The following MOV10L1 variants were observed in gnomAD, a reference collection of about 807,000 sequenced individuals.
The protein encoded by MOV10L1 is RNA helicase Mov10l1.
Under a neutral mutation model 143.8 loss-of-function variants are expected in MOV10L1, and 110 were observed. The observed-to-expected ratio is 0.76, with a 90% CI of 0.66 to 0.90. MOV10L1 has a LOEUF of 0.90. Ranked by LOEUF, MOV10L1 falls within the 40% of genes least tolerant of loss-of-function variation. The pLI, the probability that MOV10L1 is intolerant of heterozygous loss-of-function variation, is 0.00. For missense variants in MOV10L1, 1,406 were observed against 1,526.8 expected (o/e 0.92, Z 1.32); for synonymous variants, 593 against 581.1 (o/e 1.02, Z -0.29).
chr22:50,114,573 C>T lies in MOV10L1; in HGVS notation c.1077C>T (p.Thr359=). ...NSLNSHTKNK[T]SQMSESSLVN... ...TAAATAGCCACACAAAAAACAAAAC[C>T]TCTCAGATGTCGGAGAGCAGTTTGG... Residue 359 remains threonine, a synonymous_variant, in exon 7 of 27, where the codon ACC becomes ACT. Coordinates refer to ENST00000262794, the MANE Select transcript of MOV10L1 (RefSeq NM_018995.3). 1.2e-6 allele frequency: 2 copies of T among 1,614,140 alleles called. No individual in the cohort carries two copies. Among genetic ancestry groups the T allele is most frequent in the Non-Finnish European group, 1.7e-6 (2 of 1,180,026 alleles).
chr22:50,125,564 A>C lies in MOV10L1; in HGVS notation c.1742A>C (p.Tyr581Ser), dbSNP rs754281563. 6.2e-7 allele frequency: 1 copy of C among 1,613,992 alleles called. No homozygotes were observed. The highest frequency in any genetic ancestry group is 1.7e-5 in the Admixed American group (1 of 60,020). Residue 581 changes from tyrosine (Y) to serine (S), a missense_variant, in exon 11 of 27, where the codon TAC becomes TCC. By Grantham distance (144) the Tyr-to-Ser change is moderately radical. Around this residue, in one of 3 missense-constraint regions of MOV10L1, gnomAD observed 1,233 missense variants for 1,351.4 expected, o/e 0.91. Coordinates refer to ENST00000262794, the MANE Select transcript of MOV10L1 (RefSeq NM_018995.3). ...TTGGCCGAAGGGAGGCCTTCTCTCT[A>C]CGCAGGTGTGTTTGTTACTCATATG... The part of the protein sequence containing the change: ...PGLAEGRPSL[Y>S]AGDKLILKTQ...
chr22:50,112,271 G>A (rs1206276003), intron 5 of MOV10L1, among the ~76,000 whole-genome samples: 1 of 152,218 alleles, frequency 6.6e-6, no homozygotes, highest in Non-Finnish European at 1.5e-5. Context: ...GGAAGCCTGG[G>A]ACGCACAGGA....
chr22:50,133,034 G>GA (rs928378169), intron 13 of MOV10L1, among the ~76,000 whole-genome samples: 193 of 128,862 alleles, frequency 1.5e-3, no homozygotes, highest in Admixed American at 1.5e-3. Flanking sequence ...GCCTCCGTCT[G>GA]AAAAAAAAAA....
chr22:50,100,707 AT>A (rs2061723738), intron 3 of MOV10L1, among the ~76,000 whole-genome samples: 1 of 152,042 alleles, frequency 6.6e-6, no homozygotes, highest in African/African-American at 2.4e-5. Flanking sequence ...GGGTTTCACC[AT>A]GTTGGCCAGT....
Position 50,128,505 on chromosome 22 carries a change from T to C in MOV10L1, c.1908T>C (p.Asn636=), listed in dbSNP as rs1450266331. The C allele has an allele frequency of 7.1e-7, 1 of 1,401,876 alleles. No individual in the cohort carries two copies. Among genetic ancestry groups the C allele is most frequent in the Non-Finnish European group, 1.0e-6 (1 of 1,002,676 alleles). 86.8% of individuals were successfully genotyped at this position (1,401,876 alleles called of 1,614,324 possible). The stretch of plus-strand genomic sequence containing the variant: ...CTATGGATGTGGAATTTACATATAA[T>C]AGGTAATGCTTTTAGTGAGTCTTCT... ...FEPMDVEFTY[N]RTTSRRCHFA... is the part of the protein sequence containing the mutation. Residue 636 remains asparagine (N), a splice_region_variant and synonymous_variant, in exon 13 of 27, where the codon AAT becomes AAC. Coordinates refer to ENST00000262794, the MANE Select transcript of MOV10L1 (RefSeq NM_018995.3).
At chr22:50,142,841 AG>A (rs907266048) in intron 16 of MOV10L1, among the ~76,000 whole-genome samples, 160 of 152,170 alleles carry the variant, frequency 1.1e-3, no homozygotes, top group African/African-American at 3.8e-3. Flanking sequence ...GTCTCAAAAA[AG>A]AAAAAAAAAA....
chr22:50,102,107 T>G (rs985236492), intron 3 of MOV10L1, among the ~76,000 whole-genome samples: 4 of 152,122 alleles, frequency 2.6e-5, no homozygotes. Flanking sequence ...CCAAGGGATT[T>G]CCCAGTATAA....
At chr22:50,140,378 A>T (rs1213837759) in intron 15 of MOV10L1, among the ~76,000 whole-genome samples, 1 of 152,154 alleles carries the variant, frequency 6.6e-6, no homozygotes, top group African/African-American at 2.4e-5. Flanking sequence ...CACTTTAAAT[A>T]TGTGCACCTT....
intron 18 of MOV10L1, among the ~76,000 whole-genome samples, chr22:50,144,817 A>G (rs138264): frequency 0.74 from 111,676 of 151,134 alleles, 41,617 homozygotes; most frequent in Admixed American, 0.79. Flanking sequence ...TCCTGACCTC[A>G]TGATCTGCCC....
At chr22:50,133,972 A>G (rs1342824104) in intron 13 of MOV10L1, 35 bp from the exon 14 acceptor site, 1 of 1,580,778 alleles carries the variant, frequency 6.3e-7, no homozygotes, top group African/African-American at 1.4e-5. Flanking sequence ...TCTGAATGTA[A>G]GGTTAGTTAT....
In MOV10L1 at chr22:50,143,076, T is replaced by TG. The variant is rs749706021; in HGVS notation, c.2215dup (p.Glu739GlyfsTer9). ...ATTCAGACCCCTAAAGCAAGAAAGA[T>TG]GGAGTTTTTCAACCCAGTGCTAAAT... On this transcript the variant is annotated frameshift_variant, in exon 17 of 27. Coordinates refer to ENST00000262794, the MANE Select transcript of MOV10L1 (RefSeq NM_018995.3). LOFTEE classifies it high-confidence loss of function. 5 of 1,614,178 alleles carry TG rather than the reference T, an allele frequency of 3.1e-6. No individual in the cohort carries two copies. The highest frequency in any genetic ancestry group is 4.2e-6 in the Non-Finnish European group (5 of 1,180,018).
rs569380279 is a variant in MOV10L1, at chr22:50,157,967, G to A, written c.3067-90G>A. On this transcript the variant is annotated intron_variant, in intron 22 of 26. Transcript: ENST00000262794. ...GGATTTATTCTGTCATATTCAGTGT[G>A]TATTCCCAGCACCGACTTCAGCTCC... is the stretch of plus-strand genomic sequence containing the variant. The A allele has an allele frequency of 5.2e-5, 75 of 1,442,506 alleles. No homozygotes were observed. The African/African-American group carries it at 7.6e-4, about 15-fold the overall frequency. The allele number at this position is 1,442,506 out of a possible 1,614,324, so 89.4% of individuals were successfully genotyped here.
chr22:50,114,517 G>A lies in MOV10L1; in HGVS notation c.1021G>A (p.Glu341Lys), dbSNP rs761558147. 6.8e-6 allele frequency: 11 copies of A among 1,614,024 alleles called. No individual in the cohort carries two copies. The highest frequency in any genetic ancestry group is 1.1e-5 in the South Asian group (1 of 91,092). ...ATCTTTTGTTTCTGTTCCTGAGAAG[G>A]AGAATTCATCAGATGAAAATATTAA... ...VVSFVSVPEK[E>K]NSSDENINSL... The change falls in exon 7 of 27, where the codon GAG (glutamate) becomes AAG (lysine). Residue 341 changes from glutamate (E) to lysine (K), a missense_variant. Glu to Lys is a moderately conservative substitution (Grantham distance 56). Around this residue, in one of 3 missense-constraint regions of MOV10L1, gnomAD observed 1,233 missense variants for 1,351.4 expected, o/e 0.91. Transcript: ENST00000262794.
chr22:50,134,874 T>G (rs2062779086), intron 15 of MOV10L1, among the ~76,000 whole-genome samples: 1 of 152,204 alleles, frequency 6.6e-6, no homozygotes, highest in Non-Finnish European at 1.5e-5. Context: ...AACTAAAATA[T>G]TCAAAAATAG....
intron 19 of MOV10L1, chr22:50,149,262 A>G: frequency 4.1e-6 from 1 of 246,412 alleles, no homozygotes; most frequent in Non-Finnish European, 8.0e-6. Context: ...TGATAATGAC[A>G]GGAGTGAGAC....
chr22:50,128,041 G>C (rs952837079), intron 12 of MOV10L1, among the ~76,000 whole-genome samples: 1 of 152,112 alleles, frequency 6.6e-6, no homozygotes, highest in Non-Finnish European at 1.5e-5. Context: ...CAAAGTGCTG[G>C]GATTACAGGT....
In MOV10L1 at chr22:50,113,912, CTTTTTTTT is replaced by C. The variant is rs67071955; in HGVS notation, c.884+141_884+148del. 33 of 263,406 alleles carry C rather than the reference CTTTTTTTT, an allele frequency of 1.3e-4. 1 individual carries two copies. Among genetic ancestry groups the C allele is most frequent in the African/African-American group, 7.5e-4 (17 of 22,788 alleles). 16.3% of individuals were successfully genotyped at this position (263,406 alleles called of 1,614,324 possible). On this transcript the variant is annotated intron_variant, in intron 6 of 26. Transcript: ENST00000262794. ...ATTTTTTTCTTTATGAAGATCTTTT[CTTTTTTTT>C]TTTTTTTTTTTTTTTTGAGACAGCG...
Position 50,155,323 on chromosome 22 carries a change from C to T in MOV10L1, c.3066+2105C>T, listed in dbSNP as rs369594582. 4.5e-3 allele frequency among the ~76,000 whole-genome samples: 671 copies of T among 150,014 alleles called. 8 individuals carry two copies. Among genetic ancestry groups the T allele is most frequent in the African/African-American group, 0.015 (630 of 40,742 alleles). ...TCACCCCAGCTGGGGTGCAGTGGCG[C>T]CATCTCGGCTCACTGCAACCTCCGC... On this transcript the variant is annotated intron_variant, in intron 22 of 26. Transcript: ENST00000262794.
At chr22:50,144,876 C>T (rs964683331) in intron 18 of MOV10L1, among the ~76,000 whole-genome samples, 29 of 152,164 alleles carry the variant, frequency 1.9e-4, no homozygotes, top group Middle Eastern at 3.4e-3. Flanking sequence ...CCACCGTGCC[C>T]GGCCTGGTTT....
Sources: allele counts gnomAD v4.1 joint callset (sites outside exome capture counted in the v4.1 genomes callset), GRCh38; gene constraint gnomAD v4.1.1; regional missense constraint gnomAD v4.1.1; transcripts MANE v1.5; gene names NCBI Gene and HGNC (gene_info 2026-07-23, HGNC 2026-07-21).